The following ADARB2 variants were observed in gnomAD, a reference collection of about 807,000 sequenced individuals.
ADARB2 encodes inactive double-stranded RNA-specific editase B2.
Under a neutral mutation model 62.2 loss-of-function variants are expected in ADARB2, and 25 were observed. That is an observed-to-expected ratio of 0.40 (90% confidence interval 0.29 to 0.56). The LOEUF (loss-of-function observed/expected upper bound fraction) is 0.56. ADARB2 is among the 20% of genes least tolerant of loss of function. ADARB2 has a pLI of 0.43. For synonymous variants in ADARB2, 572 were observed against 500.8 expected (o/e 1.14, Z -1.90); for missense variants, 1,071 against 1,077.4 (o/e 0.99, Z 0.08).
intron 1 of ADARB2, among the ~76,000 whole-genome samples, chr10:1,405,565 G>A (rs1832700249): frequency 6.8e-6 from 1 of 146,864 alleles, no homozygotes; most frequent in East Asian, 2.0e-4. Flanking sequence ...GGGAGGCAGA[G>A]AGGTTGCAGT....
intron 3 of ADARB2, among the ~76,000 whole-genome samples, chr10:1,301,766 A>G (rs1831575442): frequency 6.6e-6 from 1 of 152,206 alleles, no homozygotes; most frequent in African/African-American, 2.4e-5. Flanking sequence ...CAAGTAGCTA[A>G]TTTTTAACAA....
intron 1 of ADARB2, among the ~76,000 whole-genome samples, chr10:1,535,153 T>C (rs1178714677): frequency 6.6e-6 from 1 of 152,148 alleles, no homozygotes; most frequent in Non-Finnish European, 1.5e-5. Context: ...CTCTGATCCA[T>C]GATGGTGAGG....
intron 1 of ADARB2, among the ~76,000 whole-genome samples, chr10:1,722,995 T>G (rs1835113408): frequency 6.6e-6 from 1 of 152,164 alleles, no homozygotes; most frequent in Admixed American, 6.5e-5. Context: ...GTGTCCTATA[T>G]TCATATTCAT....
intron 1 of ADARB2, among the ~76,000 whole-genome samples, chr10:1,641,962 G>A (rs532493836): frequency 1.3e-5 from 2 of 152,136 alleles, no homozygotes; most frequent in Admixed American, 1.3e-4. Flanking sequence ...GAAGTGAGCC[G>A]AGATGGTGCC....
intron 3 of ADARB2, among the ~76,000 whole-genome samples, chr10:1,339,781 C>T (rs1233891638): frequency 1.3e-5 from 2 of 152,180 alleles, no homozygotes; most frequent in African/African-American, 4.8e-5. Context: ...ATAGCAGGTG[C>T]CAGCCCACCC....
chr10:1,336,732 C>T (rs186797046), intron 3 of ADARB2, among the ~76,000 whole-genome samples: 3 of 152,282 alleles, frequency 2.0e-5, no homozygotes, highest in South Asian at 2.1e-4. Context: ...GAAAGTGTTA[C>T]GCTTTCTTAG....
chr10:1,706,299 G>C (rs1405488723), intron 1 of ADARB2, among the ~76,000 whole-genome samples: 2 of 152,234 alleles, frequency 1.3e-5, no homozygotes, highest in African/African-American at 2.4e-5. Context: ...TTCAGAAGCA[G>C]AACATTCCAT....
intron 1 of ADARB2, among the ~76,000 whole-genome samples, chr10:1,708,982 C>T (rs1307120909): frequency 6.6e-6 from 1 of 152,102 alleles, no homozygotes. Flanking sequence ...AAGGAGGAGG[C>T]CACGCAGGGA....
At chr10:1,310,485 T>C (rs976105588) in intron 3 of ADARB2, among the ~76,000 whole-genome samples, 5 of 152,042 alleles carry the variant, frequency 3.3e-5, no homozygotes, top group Non-Finnish European at 7.3e-5. Context: ...TAAGAATCCA[T>C]CTAAACCTAC....
At chr10:1,518,083 C>T (rs1588285031) in intron 1 of ADARB2, among the ~76,000 whole-genome samples, 1 of 152,224 alleles carries the variant, frequency 6.6e-6, no homozygotes, top group African/African-American at 2.4e-5. Flanking sequence ...ACAAAACAGG[C>T]GATATTTGTT....
intron 4 of ADARB2, among the ~76,000 whole-genome samples, chr10:1,256,581 A>C (rs1284711223): frequency 6.6e-6 from 1 of 152,170 alleles, no homozygotes; most frequent in African/African-American, 2.4e-5. Context: ...AAATACATAG[A>C]ATTTGGGGTA....
chr10:1,365,148 G>A (rs146130167), intron 2 of ADARB2, among the ~76,000 whole-genome samples: 110 of 152,018 alleles, frequency 7.2e-4, no homozygotes, highest in African/African-American at 2.6e-3. Context: ...CTGGGATTAC[G>A]GATGAGAGCC....
At chr10:1,708,441 A>C (rs964362696) in intron 1 of ADARB2, among the ~76,000 whole-genome samples, 2 of 152,194 alleles carry the variant, frequency 1.3e-5, no homozygotes, top group Admixed American at 1.3e-4. Context: ...ATTAATTTTC[A>C]ATGGAAAGGG....
At chr10:1,200,943 C>T (rs4880487) in intron 7 of ADARB2, among the ~76,000 whole-genome samples, 39,666 of 152,098 alleles carry the variant, frequency 0.26, 5,588 homozygotes, top group African/African-American at 0.34. Flanking sequence ...CAATTACTGC[C>T]ATCCCCGCAT....
chr10:1,596,020 G>T (rs985666428), intron 1 of ADARB2, among the ~76,000 whole-genome samples: 2 of 152,222 alleles, frequency 1.3e-5, no homozygotes, highest in African/African-American at 4.8e-5. Flanking sequence ...TTGTGGCCAG[G>T]TCTCATGGAC....
At chr10:1,717,700 C>T (rs945678140) in intron 1 of ADARB2, among the ~76,000 whole-genome samples, 1 of 152,052 alleles carries the variant, frequency 6.6e-6, no homozygotes, top group Non-Finnish European at 1.5e-5. Flanking sequence ...GCCCCAGACT[C>T]CCGAGTAGCT....
intron 7 of ADARB2, among the ~76,000 whole-genome samples, chr10:1,205,317 G>T (rs1837038849): frequency 6.6e-6 from 1 of 151,852 alleles, no homozygotes; most frequent in Non-Finnish European, 1.5e-5. Flanking sequence ...GTTCTGAGGT[G>T]CTTTGCTTCA....
intron 4 of ADARB2, among the ~76,000 whole-genome samples, chr10:1,259,350 G>T (rs570624297): frequency 1.3e-5 from 2 of 152,240 alleles, no homozygotes; most frequent in African/African-American, 4.8e-5. Flanking sequence ...AAAAATTAAT[G>T]AATCCAGGAG....
chr10:1,515,441 C>T (rs971301133), intron 1 of ADARB2, among the ~76,000 whole-genome samples: 1 of 152,252 alleles, frequency 6.6e-6, no homozygotes, highest in Admixed American at 6.5e-5. Context: ...ACAACCATTA[C>T]AGCTTTCTGG....
Sources: allele counts gnomAD v4.1 joint callset (sites outside exome capture counted in the v4.1 genomes callset), GRCh38; gene constraint gnomAD v4.1.1; transcripts MANE v1.5; gene names NCBI Gene and HGNC (gene_info 2026-07-23, HGNC 2026-07-21).